The following NCAM2 variants were observed in gnomAD, a reference collection of about 807,000 sequenced individuals.
NCAM2 encodes the protein N-CAM-2.
In NCAM2, 30 loss-of-function variants were observed where a neutral mutation model predicts 98.1. The observed-to-expected ratio is 0.31, with a 90% CI of 0.23 to 0.41. NCAM2 has a LOEUF of 0.41. NCAM2 is among the 10% of genes least tolerant of loss of function. The probability of loss-of-function intolerance (pLI) is 1.00; values close to 1 mark genes in which losing one functional copy is unlikely to be tolerated. For synonymous variants in NCAM2, 368 were observed against 342.4 expected, an observed-to-expected ratio of 1.07 and a Z score of -0.83; for missense variants, 867 against 1,005.8, an observed-to-expected ratio of 0.86 and a Z score of 1.87.
intron 15 of NCAM2, among the ~76,000 whole-genome samples, chr21:21,479,514 G>T (rs368777252): frequency 6.8e-6 from 1 of 148,128 alleles, no homozygotes; most frequent in East Asian, 2.0e-4. Context: ...GACCCGGGAG[G>T]CGGAGCTTGC....
At chr21:21,181,283 A>T (rs1731562273) in intron 1 of NCAM2, among the ~76,000 whole-genome samples, 2 of 152,162 alleles carry the variant, frequency 1.3e-5, no homozygotes, top group African/African-American at 4.8e-5. Flanking sequence ...TATATATTTA[A>T]TAGTTTCCTC....
At chr21:21,032,326 T>G (rs2064702858) in intron 1 of NCAM2, among the ~76,000 whole-genome samples, 1 of 152,224 alleles carries the variant, frequency 6.6e-6, no homozygotes, top group Non-Finnish European at 1.5e-5. Flanking sequence ...TATGTTTTCT[T>G]TAGCCTAATA....
At chr21:21,316,987 A>G (rs1345936794) in intron 5 of NCAM2, among the ~76,000 whole-genome samples, 1 of 152,182 alleles carries the variant, frequency 6.6e-6, no homozygotes, top group Admixed American at 6.5e-5. Flanking sequence ...CCTATTTTAA[A>G]CATTTACAAT....
At chr21:21,445,181 C>A (rs1979916464) in intron 12 of NCAM2, among the ~76,000 whole-genome samples, 1 of 152,102 alleles carries the variant, frequency 6.6e-6, no homozygotes, top group Non-Finnish European at 1.5e-5. Context: ...AATTTGATTG[C>A]ACTGTGGCCT....
intron 1 of NCAM2, among the ~76,000 whole-genome samples, chr21:21,041,729 ATATAT>A (rs1231261768): frequency 2.6e-5 from 4 of 152,206 alleles, no homozygotes; most frequent in Admixed American, 6.5e-5. Context: ...AGACGTCAGA[ATATAT>A]TATATAGTAA....
At chr21:21,201,849 A>G (rs1459973540) in intron 1 of NCAM2, among the ~76,000 whole-genome samples, 2 of 152,176 alleles carry the variant, frequency 1.3e-5, no homozygotes, top group Admixed American at 6.5e-5. Context: ...CATCTGGGGA[A>G]TTTTTAGAAA....
chr21:21,166,950 A>G (rs2067972329), intron 1 of NCAM2, among the ~76,000 whole-genome samples: 1 of 152,224 alleles, frequency 6.6e-6, no homozygotes, highest in African/African-American at 2.4e-5. Context: ...ACTTATATTG[A>G]TAACCTGTAT....
intron 1 of NCAM2, among the ~76,000 whole-genome samples, chr21:21,112,992 C>A (rs1337209574): frequency 1.3e-5 from 2 of 152,068 alleles, no homozygotes; most frequent in Non-Finnish European, 2.9e-5. Flanking sequence ...ATTCTTTTTT[C>A]ACAAAACTTC....
chr21:21,371,646 C>T (rs973437593), intron 8 of NCAM2, among the ~76,000 whole-genome samples: 2 of 151,802 alleles, frequency 1.3e-5, no homozygotes, highest in Non-Finnish European at 2.9e-5. Flanking sequence ...ACAATCCACA[C>T]TTTGGTTTGT....
intron 16 of NCAM2, among the ~76,000 whole-genome samples, chr21:21,511,267 C>G (rs937339839): frequency 6.6e-6 from 1 of 151,854 alleles, no homozygotes; most frequent in African/African-American, 2.4e-5. Context: ...TACTTAATCC[C>G]CCATTCCCCC....
At chr21:21,201,147 T>G (rs1174161206) in intron 1 of NCAM2, among the ~76,000 whole-genome samples, 1 of 152,242 alleles carries the variant, frequency 6.6e-6, no homozygotes, top group African/African-American at 2.4e-5. Flanking sequence ...TTTCCCATTT[T>G]CATCCCATTT....
chr21:21,221,569 C>G (rs908081112), intron 1 of NCAM2, among the ~76,000 whole-genome samples: 5 of 152,288 alleles, frequency 3.3e-5, no homozygotes, highest in Non-Finnish European at 7.3e-5. Context: ...GAAGACCAAA[C>G]CAGTGGTAAT....
chr21:21,039,510 A>G (rs1328558598), intron 1 of NCAM2, among the ~76,000 whole-genome samples: 2 of 152,208 alleles, frequency 1.3e-5, no homozygotes, highest in African/African-American at 2.4e-5. Flanking sequence ...AATGCCCTGA[A>G]TTGATTATTA....
intron 1 of NCAM2, among the ~76,000 whole-genome samples, chr21:21,158,617 A>AAC (rs1360333331): frequency 6.6e-6 from 1 of 151,230 alleles, no homozygotes; most frequent in Non-Finnish European, 1.5e-5. Flanking sequence ...CCCCGCAAAA[A>AAC]AAAAAAAAGA....
At position 21,079,692 on chromosome 21, in the gene NCAM2, C is replaced by G. The variant is rs182859010; in HGVS notation, c.55+81074C>G. ...TGTTTCTGCCCCCTACCCAGATACT[C>G]TCTCCTTCACATTATCACTGGATTG... On this transcript the variant is annotated intron_variant, in intron 1 of 17. Coordinates refer to ENST00000400546, the MANE Select transcript of NCAM2 (RefSeq NM_004540.5). Among the ~76,000 whole-genome samples, 14 of 152,160 alleles carry G rather than the reference C, an allele frequency of 9.2e-5. No homozygotes were observed. In the South Asian group the frequency reaches 1.0e-3, roughly 11 times the overall value.
At position 21,235,545 on chromosome 21, in the gene NCAM2, C is replaced by T. The variant is rs548463014; in HGVS notation, c.56-45033C>T. Among the ~76,000 whole-genome samples, 11 of 152,030 alleles carry T rather than the reference C, an allele frequency of 7.2e-5. No individual in the cohort carries two copies. In the South Asian group the frequency reaches 2.1e-3, roughly 29 times the overall value. ...AATACCTAAAATTATAAACTGAAAA[C>T]GCTATAGTTCAAGTAGTCAATCTAT... On this transcript the variant is annotated intron_variant, in intron 1 of 17. Coordinates refer to ENST00000400546, the MANE Select transcript of NCAM2 (RefSeq NM_004540.5).
At chr21:21,127,596 C>A (rs961330892) in intron 1 of NCAM2, among the ~76,000 whole-genome samples, 2 of 152,034 alleles carry the variant, frequency 1.3e-5, no homozygotes, top group Non-Finnish European at 2.9e-5. Flanking sequence ...CATTAACCAA[C>A]CTCTCTTCAT....
At chr21:21,175,598 T>C (rs2068260729) in intron 1 of NCAM2, among the ~76,000 whole-genome samples, 1 of 152,094 alleles carries the variant, frequency 6.6e-6, no homozygotes, top group African/African-American at 2.4e-5. Flanking sequence ...AAGAAGTGGA[T>C]TAATTTAAGG....
At chr21:21,210,964 CCAAACACACACACACACA>C (rs1435351585) in intron 1 of NCAM2, among the ~76,000 whole-genome samples, 11 of 96,718 alleles carry the variant, frequency 1.1e-4, no homozygotes, top group Non-Finnish European at 1.9e-4. Context: ...AATACTCTCC[CCAAACACACACACACACA>C]CACACACACA....
Sources: gnomAD v4.1 joint callset for allele counts (sites outside exome capture counted in the v4.1 genomes callset) on GRCh38, gnomAD v4.1.1 for gene constraint, MANE v1.5 for transcripts, NCBI Gene and HGNC (gene_info 2026-07-23, HGNC 2026-07-21) for gene names.